ZFPM1: variants seen among roughly 807,000 people sequenced by gnomAD.
ZFPM1 encodes zinc finger protein, FOG family member 1, also known as zinc finger protein ZFPM1.
ZFPM1 carries 28 observed loss-of-function variants against 46.3 expected under a neutral mutation model. The ratio of observed to expected loss-of-function variants is 0.60; its 90% CI spans 0.45 to 0.83. ZFPM1 has a LOEUF of 0.83. Among genes scored for constraint, ZFPM1 ranks in the 40% least tolerant of loss-of-function variants. The pLI, the probability that ZFPM1 is intolerant of heterozygous loss-of-function variation, is 0.00. For synonymous variants in ZFPM1, 957 were observed against 675.9 expected (o/e 1.42, Z -6.45); for missense variants, 1,878 against 1,432.4 (o/e 1.31, Z -5.02).
intron 3 of ZFPM1, among the ~76,000 whole-genome samples, chr16:88,493,806 A>T (rs72807404): frequency 5.5e-4 from 83 of 152,236 alleles, no homozygotes; most frequent in Non-Finnish European, 8.1e-4. Context: ...GAGCCCTAAA[A>T]AGGATCAGGG....
intron 1 of ZFPM1, among the ~76,000 whole-genome samples, chr16:88,470,035 T>TCA (rs1908343187): frequency 6.6e-6 from 1 of 152,102 alleles, no homozygotes; most frequent in Non-Finnish European, 1.5e-5. Flanking sequence ...CCAGCTGATT[T>TCA]CTGGATCTGC....
chr16:88,532,729 G>T lies in ZFPM1; in HGVS notation c.1042+20G>T, dbSNP rs755774717. On this transcript the variant is annotated intron_variant, in intron 8 of 9. Transcript: ENST00000319555. The stretch of plus-strand genomic sequence containing the variant: ...TGAGCGGTAGGCACCGCAGGGGCCG[G>T]GGGGTGTGTGGGTCCCGCCTCCCCG... 5 of 1,612,280 alleles carry T rather than the reference G, an allele frequency of 3.1e-6. No homozygotes were observed. In the Admixed American group the frequency reaches 8.3e-5, roughly 27 times the overall value.
intron 3 of ZFPM1, among the ~76,000 whole-genome samples, chr16:88,490,244 G>T (rs925755865): frequency 7.9e-5 from 12 of 152,050 alleles, no homozygotes; most frequent in Admixed American, 7.2e-4. Context: ...AGGAGAGACG[G>T]GGTTTCACCG....
intron 1 of ZFPM1, among the ~76,000 whole-genome samples, chr16:88,455,622 G>T (rs1003234899): frequency 6.6e-6 from 1 of 151,052 alleles, no homozygotes; most frequent in Admixed American, 6.6e-5. Context: ...GCTTCGGGCC[G>T]CCCACCCCCC....
Position 88,469,197 on chromosome 16 carries a change from C to A in ZFPM1, c.40+15519C>A, listed in dbSNP as rs561508017. On this transcript the variant is annotated intron_variant, in intron 1 of 9. Transcript: ENST00000319555. This position sits in a 1 kb window ranked among gnomAD's most constrained non-coding sequence, Gnocchi z 4.3. ...CTGCCCCCCACCGCTCCACCCTCTC[C>A]CCGCGCTGACTTCCATCCGGAACCT... Among the ~76,000 whole-genome samples, 5 of 152,364 alleles carry A rather than the reference C, an allele frequency of 3.3e-5. No individual in the cohort carries two copies. The highest frequency in any genetic ancestry group is 1.2e-4 in the African/African-American group (5 of 41,586).
chr16:88,483,016 C>T (rs1909025376), intron 1 of ZFPM1, among the ~76,000 whole-genome samples: 1 of 152,166 alleles, frequency 6.6e-6, no homozygotes, highest in Non-Finnish European at 1.5e-5. Flanking sequence ...GTCCCAGGGG[C>T]AGGAGTTGAA....
chr16:88,453,063 C>T (rs1217227746), upstream of ZFPM1, among the ~76,000 whole-genome samples: 4 of 148,234 alleles, frequency 2.7e-5, no homozygotes, highest in South Asian at 2.1e-4. Context: ...GAGCCAGCGC[C>T]GTAAAGAGCG....
At position 88,534,470 on chromosome 16, in the gene ZFPM1, T is replaced by G. The variant is rs1913115747; in HGVS notation, c.2512T>G (p.Tyr838Asp). Residue 838 changes from tyrosine to aspartate, a missense_variant, in exon 10 of 10, where the codon TAC (tyrosine) becomes GAC (aspartate). Transcript: ENST00000319555. ...CGAGGCCTACCTGGCGCACAAGAAG[T>G]ACTCGTGCCCCGCTGCGCCACCGCC... ...SLEAYLAHKKYSCPAAPPPGA... is the reference protein window; with the variant it reads ...SLEAYLAHKKDSCPAAPPPGA... The G allele has an allele frequency of 6.7e-7, 1 of 1,486,962 alleles. No individual in the cohort carries two copies. Among genetic ancestry groups the G allele is most frequent in the African/African-American group, 1.5e-5 (1 of 67,476 alleles). 92.1% of individuals were successfully genotyped at this position (1,486,962 alleles called of 1,614,324 possible).
chr16:88,505,357 G>T (rs990813077), intron 3 of ZFPM1, among the ~76,000 whole-genome samples: 1 of 152,202 alleles, frequency 6.6e-6, no homozygotes, highest in Non-Finnish European at 1.5e-5. Context: ...TCTCCCAGGC[G>T]GTGGTGCCCT....
At chr16:88,514,615 C>A (rs149054415) in intron 4 of ZFPM1, 95 bp downstream of exon 4, 35,674 of 1,384,626 alleles carry the variant, frequency 0.026, 558 homozygotes, top group Non-Finnish European at 0.028. Flanking sequence ...AGCTCCGGGG[C>A]TCTGGCCACT....
intron 1 of ZFPM1, among the ~76,000 whole-genome samples, chr16:88,484,179 G>C (rs1337133940): frequency 6.6e-6 from 1 of 152,226 alleles, no homozygotes; most frequent in African/African-American, 2.4e-5. Flanking sequence ...TTGAAGCTGG[G>C]CACATGTGGG....
intron 3 of ZFPM1, among the ~76,000 whole-genome samples, chr16:88,511,057 C>T (rs1007424399): frequency 6.6e-6 from 1 of 152,170 alleles, no homozygotes. Context: ...CTCTGCTGGG[C>T]TCACCCAGTT....
Position 88,528,035 on chromosome 16 carries a change from A to G in ZFPM1, c.509A>G (p.Asp170Gly). ...EANTEIHRKD[D>G]ALWCRVTKPV... ...TTGGACACCTGTCTCCCTCCAGATG[A>G]CGCACTCTGGTGCAGGGTCACCAAG... Residue 170 changes from aspartate (D) to glycine (G), a missense_variant, in exon 6 of 10, where the codon GAC becomes GGC. Physicochemically the swap from Asp to Gly is moderately conservative, Grantham distance 94 (BLOSUM62 -1). Transcript: ENST00000319555. 1 of 1,541,298 alleles carries G rather than the reference A, an allele frequency of 6.5e-7. No homozygotes were observed. The highest frequency in any genetic ancestry group is 8.8e-7 in the Non-Finnish European group (1 of 1,139,916).
At chr16:88,511,942 C>T (rs1910988577) in intron 3 of ZFPM1, among the ~76,000 whole-genome samples, 2 of 152,174 alleles carry the variant, frequency 1.3e-5, no homozygotes, top group South Asian at 2.1e-4. Context: ...CCCAGCCCCA[C>T]ACCCCTCCGA....
At chr16:88,473,457 G>GCCA in intron 1 of ZFPM1, among the ~76,000 whole-genome samples, 1 of 152,152 alleles carries the variant, frequency 6.6e-6, no homozygotes. Flanking sequence ...TGTCCTCGAG[G>GCCA]GCCGCAGGGC....
At position 88,534,210 on chromosome 16, in the gene ZFPM1, C is replaced by T. The variant is rs2142499569; in HGVS notation, c.2252C>T (p.Ala751Val). The T allele has an allele frequency of 1.0e-6, 1 of 982,906 alleles. No individual in the cohort carries two copies. Among genetic ancestry groups the T allele is most frequent in the Non-Finnish European group, 1.2e-6 (1 of 830,060 alleles). 60.9% of individuals were successfully genotyped at this position (982,906 alleles called of 1,614,324 possible). Residue 751 changes from alanine to valine, a missense_variant, in exon 10 of 10, where the codon GCG becomes GTG. Physicochemically the swap from Ala to Val is moderately conservative, Grantham distance 64 (BLOSUM62 0). Coordinates refer to ENST00000319555, the MANE Select transcript of ZFPM1 (RefSeq NM_153813.3). ...RRRRKLYELHAAGAPPPPPPG... is the reference protein window; with the variant it reads ...RRRRKLYELHVAGAPPPPPPG... The stretch of plus-strand genomic sequence containing the variant: ...CGCCGCAAGCTCTACGAGCTGCACG[C>T]GGCCGGCGCCCCGCCCCCCCCGCCG...
At chr16:88,474,528 G>T (rs1021668103) in intron 1 of ZFPM1, among the ~76,000 whole-genome samples, 5 of 152,020 alleles carry the variant, frequency 3.3e-5, no homozygotes, top group Non-Finnish European at 7.4e-5. Context: ...CTGCCTCCCC[G>T]CCACCCGCCT....
chr16:88,529,839 G>A (rs754472744), intron 6 of ZFPM1, among the ~76,000 whole-genome samples: 105 of 152,380 alleles, frequency 6.9e-4, no homozygotes, highest in Admixed American at 1.1e-3. Flanking sequence ...GCCAGAGGGG[G>A]ATGGGCTTGT....
At chr16:88,488,943 A>G (rs1909397006) in intron 2 of ZFPM1, 88 bp from the exon 3 acceptor site, 25 of 1,518,688 alleles carry the variant, frequency 1.6e-5, no homozygotes, top group Non-Finnish European at 2.0e-5. Flanking sequence ...CCCGGCGCCC[A>G]GCGCCTCAGC....
Sources: gnomAD v4.1 joint callset for allele counts (sites outside exome capture counted in the v4.1 genomes callset) on GRCh38, gnomAD v4.1.1 for gene constraint, Gnocchi (gnomAD v3.1) non-coding constraint, MANE v1.5 for transcripts, NCBI Gene and HGNC (gene_info 2026-07-23, HGNC 2026-07-21) for gene names.